Variants in FAM234B observed in about 807,000 individuals in gnomAD.
FAM234B encodes the protein family with sequence similarity 234 member B.
In FAM234B, 33 loss-of-function variants were observed where a neutral mutation model predicts 69.3. That is an observed-to-expected ratio of 0.48 (90% CI 0.36 to 0.64). The LOEUF is 0.64. Ranked by LOEUF, FAM234B falls within the 30% of genes least tolerant of loss-of-function variation. The pLI is 0.00. For missense variants in FAM234B, 697 were observed against 769.7 expected, an observed-to-expected ratio of 0.91 and a Z score of 1.12; for synonymous variants, 306 against 306.9, an observed-to-expected ratio of 1.00 and a Z score of 0.03.
At chr12:13,047,200 G>T (rs1348771595) in intron 1 of FAM234B, among the ~76,000 whole-genome samples, 1 of 152,212 alleles carries the variant, frequency 6.6e-6, no homozygotes, top group African/African-American at 2.4e-5. Flanking sequence ...TGCATAAAAT[G>T]AGGTTAATTA....
Position 13,066,621 on chromosome 12 carries a change from C to G in FAM234B, c.853-19C>G, listed in dbSNP as rs770507792. The stretch of plus-strand genomic sequence containing the variant: ...GATAGGGCTTCTATTGACTCCACCC[C>G]CCTCTCTTACTTCCTCAGCCAGATC... On this transcript the variant is annotated intron_variant, in intron 5 of 12. Coordinates refer to ENST00000197268, the MANE Select transcript of FAM234B (RefSeq NM_020853.2). The G allele has an allele frequency of 3.2e-5, 52 of 1,602,866 alleles. No homozygotes were observed. In the Admixed American group the frequency reaches 7.5e-4, roughly 23 times the overall value.
At chr12:13,079,315 G>C (rs1401808380) in intron 11 of FAM234B, among the ~76,000 whole-genome samples, 1 of 152,208 alleles carries the variant, frequency 6.6e-6, no homozygotes, top group Non-Finnish European at 1.5e-5. Flanking sequence ...AATAAATGGT[G>C]CTGGGAAAAC....
Position 13,079,785 on chromosome 12 carries a change from T to G in FAM234B, c.1643-4T>G, listed in dbSNP as rs752352209. 7.5e-6 allele frequency: 12 copies of G among 1,603,058 alleles called. No homozygotes were observed. The highest frequency in any genetic ancestry group is 1.0e-5 in the Non-Finnish European group (12 of 1,170,388). On this transcript the variant is annotated splice_region_variant and splice_polypyrimidine_tract_variant and intron_variant, in intron 11 of 12. Transcript: ENST00000197268. ...TAACTGCTCTTGTTTTTGTCCTTCC[T>G]CAGTTGGAATTAACGACCTCTGGAA...
intron 2 of FAM234B, 125 bp from the exon 3 acceptor site, chr12:13,058,326 A>G: frequency 1.4e-6 from 1 of 738,102 alleles, no homozygotes; most frequent in Admixed American, 1.9e-5. Flanking sequence ...GAGTAGGGAG[A>G]GGTGTGTCTA....
rs1183282012 is a variant in FAM234B at position 13,067,208 on chromosome 12, G to A, written c.1054G>A (p.Asp352Asn). ...RDIFVQAQNR[D>N]SSPPSLQIEE... ...CATTTTTGTTCAGGCCCAAAATCGA[G>A]ACAGCTCACCACCTTCTCTGCAGAT... The change falls in exon 7 of 13, where the codon GAC becomes AAC. Residue 352 changes from aspartate (D) to asparagine (N), a missense_variant. Transcript: ENST00000197268. This position sits in a 1 kb window ranked among gnomAD's most constrained non-coding sequence, Gnocchi z 4.7. The A allele has an allele frequency of 6.2e-7, 1 of 1,614,050 alleles. No individual in the cohort carries two copies. The highest frequency in any genetic ancestry group is 8.5e-7 in the Non-Finnish European group (1 of 1,179,932).
Position 13,082,335 on chromosome 12 carries a change from C to T in FAM234B, c.*1705C>T, listed in dbSNP as rs1175781339. 2 of 152,150 alleles carry T rather than the reference C, an allele frequency of 1.3e-5. No homozygotes were observed. The highest frequency in any genetic ancestry group is 6.5e-5 in the Admixed American group (1 of 15,278). 9.4% of individuals were successfully genotyped at this position (152,150 alleles called of 1,614,324 possible). A position where few individuals can be genotyped will look rare whatever the true frequency, so the allele number is the denominator to read the frequency against. On this transcript the variant is annotated 3_prime_UTR_variant, in exon 13 of 13. Coordinates refer to ENST00000197268, the MANE Select transcript of FAM234B (RefSeq NM_020853.2). ...TTATGAAGTCCAGATTCAAAGGGATCTCTGTTAATTACCCACTGACAGGCA... is the reference window on the plus strand; with the variant it reads ...TTATGAAGTCCAGATTCAAAGGGATTTCTGTTAATTACCCACTGACAGGCA...
At chr12:13,057,925 G>C (rs960382794) in intron 2 of FAM234B, among the ~76,000 whole-genome samples, 7 of 152,244 alleles carry the variant, frequency 4.6e-5, no homozygotes, top group African/African-American at 1.4e-4. Flanking sequence ...ACATCCAGGA[G>C]AGGGTGGGAG....
chr12:13,071,527 C>A (rs375919474), intron 10 of FAM234B, 131 bp downstream of exon 10: 23 of 816,884 alleles, frequency 2.8e-5, no homozygotes, highest in Non-Finnish European at 4.0e-5. Context: ...AGTCAGCACT[C>A]GCTGGAGAAA....
chr12:13,045,316 T>C (rs1013955029), intron 1 of FAM234B, among the ~76,000 whole-genome samples: 5 of 152,102 alleles, frequency 3.3e-5, no homozygotes, highest in Non-Finnish European at 5.9e-5. Context: ...CCCAAGTAAA[T>C]TTTAAACATT....
At chr12:13,049,202 CAA>C (rs1486794127) in intron 1 of FAM234B, among the ~76,000 whole-genome samples, 1 of 152,032 alleles carries the variant, frequency 6.6e-6, no homozygotes, top group African/African-American at 2.4e-5. Context: ...TTTTTTGAGA[CAA>C]AGTCTTGTTC....
chr12:13,080,651 CAGA>C lies in FAM234B; in HGVS notation c.*27_*29del, dbSNP rs767433924. ...TCTAATCTGATGGAATCTTCAGTTG[CAGA>C]AGAAGTGAACAGAGTGGATACCCTC... On this transcript the variant is annotated 3_prime_UTR_variant, in exon 13 of 13. Transcript: ENST00000197268. 3 of 1,597,952 alleles carry C rather than the reference CAGA, an allele frequency of 1.9e-6. No individual in the cohort carries two copies. The highest frequency in any genetic ancestry group is 2.2e-5 in the East Asian group (1 of 44,774).
chr12:13,076,177 C>T lies in FAM234B; in HGVS notation c.1642+34C>T, dbSNP rs1458443424. 4 of 1,455,352 alleles carry T rather than the reference C, an allele frequency of 2.7e-6. No homozygotes were observed. In the South Asian group the frequency reaches 4.6e-5, roughly 17 times the overall value. 90.2% of individuals were successfully genotyped at this position (1,455,352 alleles called of 1,614,324 possible). ...CAGTGCCAGCGGGAGTCTGTGTACG[C>T]AGATGGTGGGAGAGTATGTGTTGGC... On this transcript the variant is annotated intron_variant, in intron 11 of 12. Transcript: ENST00000197268.
chr12:13,074,024 C>G (rs1183956157), intron 10 of FAM234B, among the ~76,000 whole-genome samples: 1 of 152,192 alleles, frequency 6.6e-6, no homozygotes, highest in Non-Finnish European at 1.5e-5. Flanking sequence ...AAATTTGATG[C>G]ATGTTCTTGC....
rs1865262279 is a variant in FAM234B at position 13,083,275 on chromosome 12, T to A, written c.*2645T>A. 1 of 152,520 alleles carries A rather than the reference T, an allele frequency of 6.6e-6. No individual in the cohort carries two copies. The allele number at this position is 152,520 out of a possible 1,614,324, so 9.4% of individuals were successfully genotyped here. On this transcript the variant is annotated 3_prime_UTR_variant, in exon 13 of 13. Transcript: ENST00000197268. Reference sequence around the variant, plus strand: ...TCTTTCCCTTAAACACCCTCCCTTTTCCTTAGACCCCGTTTTTGCCATCCC... The same window carrying A: ...TCTTTCCCTTAAACACCCTCCCTTTACCTTAGACCCCGTTTTTGCCATCCC...
At chr12:13,047,273 T>C (rs552546798) in intron 1 of FAM234B, among the ~76,000 whole-genome samples, 5 of 152,316 alleles carry the variant, frequency 3.3e-5, no homozygotes, top group South Asian at 2.1e-4. Context: ...TAAGTATATA[T>C]ATATTTTTTT....
intron 12 of FAM234B, 48 bp from the exon 13 acceptor site, chr12:13,080,577 A>G (rs1317520472): frequency 2.0e-6 from 3 of 1,522,366 alleles, no homozygotes; most frequent in Admixed American, 1.7e-5. Context: ...TTCTTTGAAC[A>G]TCTCTACCAT....
intron 5 of FAM234B, among the ~76,000 whole-genome samples, chr12:13,065,082 T>G (rs565244894): frequency 1.3e-5 from 2 of 152,310 alleles, no homozygotes; most frequent in South Asian, 4.1e-4. Context: ...AACACTAATT[T>G]GTGAGGCGAT....
At chr12:13,048,954 T>C (rs140850098) in intron 1 of FAM234B, among the ~76,000 whole-genome samples, 193 of 152,260 alleles carry the variant, frequency 1.3e-3, no homozygotes, top group African/African-American at 4.2e-3. Context: ...TTCACTACCA[T>C]GAGAACAGTA....
intron 1 of FAM234B, among the ~76,000 whole-genome samples, chr12:13,054,018 C>T (rs1442564146): frequency 2.6e-5 from 4 of 152,226 alleles, no homozygotes; most frequent in Non-Finnish European, 1.5e-5. Flanking sequence ...CGCAGGCAGT[C>T]AGACCTTATG....
Sources: allele counts gnomAD v4.1 joint callset (sites outside exome capture counted in the v4.1 genomes callset), GRCh38; gene constraint gnomAD v4.1.1; non-coding constraint Gnocchi (gnomAD v3.1); transcripts MANE v1.5; gene names NCBI Gene and HGNC (gene_info 2026-07-23, HGNC 2026-07-21).